PRDM16: variants seen among roughly 807,000 people sequenced by gnomAD.
PRDM16 encodes histone-lysine N-methyltransferase PRDM16.
A neutral mutation model predicts 110.6 loss-of-function variants in PRDM16; 23 were observed. The ratio of observed to expected loss-of-function variants is 0.21; its 90% CI spans 0.15 to 0.29. The LOEUF is 0.29. Ranked by LOEUF, PRDM16 falls within the 10% of genes least tolerant of loss-of-function variation. The probability of loss-of-function intolerance (pLI) is 1.00; values close to 1 mark genes in which losing one functional copy is unlikely to be tolerated. For missense variants in PRDM16, 1,615 were observed against 1,794.3 expected, an observed-to-expected ratio of 0.90 and a Z score of 1.81; for synonymous variants, 799 against 781.8, an observed-to-expected ratio of 1.02 and a Z score of -0.37.
intron 3 of PRDM16, among the ~76,000 whole-genome samples, chr1:3,356,326 C>T (rs959600706): frequency 1.3e-5 from 2 of 152,244 alleles, no homozygotes; most frequent in South Asian, 2.1e-4. Context: ...GCCAGGGCGG[C>T]CACTCTGGCC....
chr1:3,121,393 A>T (rs2472821), intron 1 of PRDM16, among the ~76,000 whole-genome samples: 1,726 of 152,374 alleles, frequency 0.011, 35 homozygotes, highest in African/African-American at 0.038. Context: ...CCTGGAGGAA[A>T]GCAACCTGGA....
At chr1:3,114,263 C>T (rs1033699980) in intron 1 of PRDM16, among the ~76,000 whole-genome samples, 1 of 146,254 alleles carries the variant, frequency 6.8e-6, no homozygotes. Context: ...CGCACGCGCA[C>T]ACGTACACAC....
chr1:3,329,823 T>G (rs1343173840), intron 3 of PRDM16, among the ~76,000 whole-genome samples: 1 of 152,222 alleles, frequency 6.6e-6, no homozygotes, highest in Non-Finnish European at 1.5e-5. Flanking sequence ...CTGGTTATGG[T>G]GGGCTGTGTT....
intron 2 of PRDM16, among the ~76,000 whole-genome samples, chr1:3,216,342 C>A (rs1209987452): frequency 6.6e-6 from 1 of 152,192 alleles, no homozygotes; most frequent in Non-Finnish European, 1.5e-5. Flanking sequence ...GACATCCATG[C>A]CACGGGGCTG....
intron 2 of PRDM16, among the ~76,000 whole-genome samples, chr1:3,239,570 C>T (rs147515046): frequency 1.3e-5 from 2 of 152,236 alleles, no homozygotes; most frequent in Non-Finnish European, 2.9e-5. Flanking sequence ...GGAGAAGAGG[C>T]CTTGGAATCA....
chr1:3,322,954 G>A (rs1641795383), intron 3 of PRDM16, among the ~76,000 whole-genome samples: 1 of 152,178 alleles, frequency 6.6e-6, no homozygotes, highest in Admixed American at 6.5e-5. Context: ...ATCACGCTCT[G>A]GTCACTCTCT....
In PRDM16 at chr1:3,181,725, CA is replaced by C; in HGVS notation, c.38-4399del. On this transcript the variant is annotated intron_variant, in intron 1 of 16. Transcript: ENST00000270722. Reference sequence around the variant, plus strand: ...ACACGGTCTTACACACGCAGTCTTACACACGGTCTTACACACGGAGTCTTAC... The same window carrying C: ...ACACGGTCTTACACACGCAGTCTTACCACGGTCTTACACACGGAGTCTTAC... Among the ~76,000 whole-genome samples, 2 of 93,570 alleles carry C rather than the reference CA, an allele frequency of 2.1e-5. 1 individual carries two copies. Among genetic ancestry groups the C allele is most frequent in the East Asian group, 5.1e-4 (2 of 3,896 alleles). The allele number at this position is 93,570 out of a possible 152,430, so 61.4% of individuals were successfully genotyped here.
At chr1:3,327,054 G>A (rs919121450) in intron 3 of PRDM16, among the ~76,000 whole-genome samples, 17 of 152,236 alleles carry the variant, frequency 1.1e-4, no homozygotes, top group Non-Finnish European at 2.2e-4. Flanking sequence ...GGAGCTCCTC[G>A]GTCAGCCCAG....
intron 1 of PRDM16, among the ~76,000 whole-genome samples, chr1:3,163,690 G>T (rs1643918890): frequency 6.6e-6 from 1 of 152,124 alleles, no homozygotes; most frequent in Admixed American, 6.5e-5. Flanking sequence ...TGGCTCCCTG[G>T]GGCTGCCGGC....
At chr1:3,135,569 C>T (rs762746640) in intron 1 of PRDM16, among the ~76,000 whole-genome samples, 2 of 152,102 alleles carry the variant, frequency 1.3e-5, no homozygotes, top group Admixed American at 6.5e-5. Context: ...CCTCCCCCTC[C>T]GTGGCCCGCA....
At chr1:3,274,688 A>G (rs1248840427) in intron 3 of PRDM16, among the ~76,000 whole-genome samples, 1 of 152,212 alleles carries the variant, frequency 6.6e-6, no homozygotes, top group Non-Finnish European at 1.5e-5. Flanking sequence ...CTGCGTGATT[A>G]TTACAGACTC....
intron 2 of PRDM16, among the ~76,000 whole-genome samples, chr1:3,204,859 G>T (rs993824485): frequency 3.9e-5 from 6 of 152,184 alleles, no homozygotes; most frequent in Admixed American, 3.9e-4. Flanking sequence ...AGGGATAGGA[G>T]CCCAGCGGTT....
chr1:3,173,179 G>A (rs779515333), intron 1 of PRDM16, among the ~76,000 whole-genome samples: 1 of 152,216 alleles, frequency 6.6e-6, no homozygotes, highest in Non-Finnish European at 1.5e-5. Flanking sequence ...TGAGCAATCC[G>A]TGGCTACCTT....
intron 3 of PRDM16, among the ~76,000 whole-genome samples, chr1:3,273,213 C>T (rs910999000): frequency 7.2e-5 from 11 of 152,154 alleles, no homozygotes; most frequent in South Asian, 2.1e-4. Flanking sequence ...CATCCCCCAA[C>T]GCTGGTTTCT....
rs1462037158 is a variant in PRDM16 at position 3,157,162 on chromosome 1, C to T, written c.38-28963C>T. Among the ~76,000 whole-genome samples the T allele has an allele frequency of 2.0e-5, 3 of 152,076 alleles. No homozygotes were observed. The highest frequency in any genetic ancestry group is 1.9e-4 in the East Asian group (1 of 5,158). ...GGCTCAGCCTGGGCGGCTCAGAGGG[C>T]GGGACCTGGAGAAGGAGGGCCGCTC... On this transcript the variant is annotated intron_variant, in intron 1 of 16. Coordinates refer to ENST00000270722, the MANE Select transcript of PRDM16 (RefSeq NM_022114.4). This position sits in a 1 kb window ranked among gnomAD's most constrained non-coding sequence, Gnocchi z 4.8.
At chr1:3,378,592 CCGTACCCACCTCATAGG>C (rs1355373066) in intron 3 of PRDM16, among the ~76,000 whole-genome samples, 1 of 152,144 alleles carries the variant, frequency 6.6e-6, no homozygotes, top group Non-Finnish European at 1.5e-5. Flanking sequence ...GGCAGCAACA[CCGTACCCACCTCATAGG>C]CCCGCGGCGA....
chr1:3,214,258 T>A (rs1638969252), intron 2 of PRDM16, among the ~76,000 whole-genome samples: 1 of 152,226 alleles, frequency 6.6e-6, no homozygotes, highest in African/African-American at 2.4e-5. Flanking sequence ...TCTGACACGC[T>A]GGGCAACTTC....
chr1:3,234,191 C>T (rs986800635), intron 2 of PRDM16, among the ~76,000 whole-genome samples: 5 of 152,196 alleles, frequency 3.3e-5, no homozygotes, highest in Non-Finnish European at 2.9e-5. Context: ...CCTGACTCAT[C>T]CCCCTGTTCT....
At chr1:3,115,194 AC>A (rs1642927721) in intron 1 of PRDM16, among the ~76,000 whole-genome samples, 1 of 151,468 alleles carries the variant, frequency 6.6e-6, no homozygotes, top group African/African-American at 2.4e-5. Context: ...TCACCCTGTG[AC>A]CCCGCCTCTC....
Sources: gnomAD v4.1 joint callset for allele counts (sites outside exome capture counted in the v4.1 genomes callset) on GRCh38, gnomAD v4.1.1 for gene constraint, Gnocchi (gnomAD v3.1) non-coding constraint, MANE v1.5 for transcripts, NCBI Gene and HGNC (gene_info 2026-07-23, HGNC 2026-07-21) for gene names.